MTOR: variants seen among roughly 807,000 people sequenced by gnomAD.
The protein encoded by MTOR is serine/threonine-protein kinase mTOR.
A neutral mutation model predicts 319.8 loss-of-function variants in MTOR; 70 were observed. The observed-to-expected ratio is 0.22, with a 90% CI of 0.18 to 0.27. The LOEUF is 0.27. MTOR is among the 10% of genes least tolerant of loss of function. The pLI, the probability that MTOR is intolerant of heterozygous loss-of-function variation, is 1.00. For synonymous variants in MTOR, 1,183 were observed against 1,211.4 expected (o/e 0.98, Z 0.49); for missense variants, 1,890 against 3,274.4 (o/e 0.58, Z 10.32).
intron 26 of MTOR, among the ~76,000 whole-genome samples, chr1:11,204,010 A>C (rs1646061316): frequency 6.6e-6 from 1 of 152,208 alleles, no homozygotes; most frequent in African/African-American, 2.4e-5. Context: ...AGAGGAACCA[A>C]GGCCCCCAGC....
intron 9 of MTOR, among the ~76,000 whole-genome samples, chr1:11,242,620 C>T (rs1471051966): frequency 2.0e-5 from 3 of 151,946 alleles, no homozygotes; most frequent in Non-Finnish European, 4.4e-5. Flanking sequence ...GAACACTGAC[C>T]CCCTCGCCTT....
At chr1:11,194,884 C>T in intron 28 of MTOR, 1 of 1,614,162 alleles carries the variant, frequency 6.2e-7, no homozygotes, top group Non-Finnish European at 8.5e-7. Context: ...TGCACAGACT[C>T]CAACCTCAAT....
intron 23 of MTOR, among the ~76,000 whole-genome samples, chr1:11,211,838 C>T (rs977073012): frequency 2.6e-5 from 4 of 152,198 alleles, no homozygotes; most frequent in Non-Finnish European, 2.9e-5. Flanking sequence ...TGAAGTCACA[C>T]TGCTTTCCTG....
chr1:11,227,645 G>A (rs774506402), intron 19 of MTOR, among the ~76,000 whole-genome samples: 1 of 149,448 alleles, frequency 6.7e-6, no homozygotes, highest in African/African-American at 2.5e-5. Context: ...GTGGTTTAAA[G>A]AAAGACACAA....
chr1:11,216,602 G>A (rs572437081), intron 19 of MTOR, among the ~76,000 whole-genome samples: 6 of 151,242 alleles, frequency 4.0e-5, no homozygotes, highest in Admixed American at 6.6e-5. Flanking sequence ...AGCTATGCAC[G>A]TGCCACTGCA....
At chr1:11,201,919 C>T (rs577117714) in intron 26 of MTOR, among the ~76,000 whole-genome samples, 229 of 152,224 alleles carry the variant, frequency 1.5e-3, no homozygotes, top group Middle Eastern at 6.8e-3. Context: ...GTAATCCCCC[C>T]GCCTTAGCCT....
At chr1:11,174,052 C>A (rs1644908125) in intron 28 of MTOR, among the ~76,000 whole-genome samples, 1 of 152,192 alleles carries the variant, frequency 6.6e-6, no homozygotes, top group African/African-American at 2.4e-5. Flanking sequence ...ATGAAGAAAA[C>A]ACAGCCCAGT....
chr1:11,114,389 T>C lies in MTOR; in HGVS notation c.7229A>G (p.His2410Arg), dbSNP rs2100315977. The change falls in exon 53 of 58, where the codon CAC becomes CGC. Residue 2410 changes from histidine to arginine, a missense_variant. This residue lies in a region of MTOR where 23 missense variants were observed against 81.7 expected (regional missense o/e 0.28). Transcript: ENST00000361445. ...CAGCACGGCCATGACACTGTCCTTGTGCTCTCGCAGCACCTCCATCACTGT... is the reference window on the plus strand; with the variant it reads ...CAGCACGGCCATGACACTGTCCTTGCGCTCTCGCAGCACCTCCATCACTGT... ...CHTVMEVLRE[H>R]KDSVMAVLEA... 1 of 1,614,200 alleles carries C rather than the reference T, an allele frequency of 6.2e-7. No individual in the cohort carries two copies. The highest frequency in any genetic ancestry group is 8.5e-7 in the Non-Finnish European group (1 of 1,180,040).
At chr1:11,162,512 A>C (rs565843833) in intron 29 of MTOR, among the ~76,000 whole-genome samples, 1 of 152,318 alleles carries the variant, frequency 6.6e-6, no homozygotes, top group Non-Finnish European at 1.5e-5. Flanking sequence ...ATGAAGGAAA[A>C]AATGTTAAGG....
At chr1:11,190,158 C>A (rs1021485275) in intron 28 of MTOR, among the ~76,000 whole-genome samples, 1 of 152,212 alleles carries the variant, frequency 6.6e-6, no homozygotes, top group Non-Finnish European at 1.5e-5. Context: ...TTTATCCACA[C>A]AGTGTTTCAG....
chr1:11,148,013 A>G (rs1643993857), intron 31 of MTOR, among the ~76,000 whole-genome samples: 2 of 152,330 alleles, frequency 1.3e-5, no homozygotes, highest in Middle Eastern at 6.8e-3. Context: ...TGAAGGGCAG[A>G]TGGGGGTTCA....
chr1:11,114,724 G>T, intron 52 of MTOR, 89 bp downstream of exon 52: 1 of 1,338,368 alleles, frequency 7.5e-7, no homozygotes, highest in Non-Finnish European at 1.1e-6. Flanking sequence ...GCACTTTGGA[G>T]AACTGATGGG....
At chr1:11,167,663 C>A in intron 28 of MTOR, 146 bp from the exon 29 acceptor site, 1 of 640,222 alleles carries the variant, frequency 1.6e-6, no homozygotes. Flanking sequence ...TATTACCATC[C>A]AGAAAGCTCA....
intron 15 of MTOR, 195 bp downstream of exon 15, chr1:11,233,203 A>T (rs1647079930): frequency 2.4e-6 from 2 of 825,546 alleles, no homozygotes; most frequent in Non-Finnish European, 2.0e-6. Flanking sequence ...TGTCACCACT[A>T]TCTGGAGAGT....
chr1:11,114,490 C>T (rs772301534), intron 52 of MTOR, 37 bp from the exon 53 acceptor site: 24 of 1,611,788 alleles, frequency 1.5e-5, no homozygotes, highest in Non-Finnish European at 2.0e-5. Flanking sequence ...ACAGGAGTTA[C>T]TAACTCTCCA....
Position 11,115,297 on chromosome 1 carries a change from A to T in MTOR, c.7089+99T>A. On this transcript the variant is annotated intron_variant, in intron 51 of 57. Transcript: ENST00000361445. This position sits in a 1 kb window ranked among gnomAD's most constrained non-coding sequence, Gnocchi z 4.5. ...CTTGGTAGGGCCAGCAGGGGTTAAG[A>T]GTAAGGCAGTTTGGGCTTAAGTCTG... The T allele has an allele frequency of 8.7e-7, 1 of 1,145,924 alleles. No homozygotes were observed. Among genetic ancestry groups the T allele is most frequent in the East Asian group, 2.3e-5 (1 of 42,594 alleles). 71.0% of individuals were successfully genotyped at this position (1,145,924 alleles called of 1,614,324 possible).
intron 28 of MTOR, chr1:11,195,529 T>G (rs549359514): frequency 3.9e-5 from 6 of 155,178 alleles, no homozygotes; most frequent in African/African-American, 1.4e-4. Flanking sequence ...TGAAATTATC[T>G]TGAGTCTACA....
Position 11,156,949 on chromosome 1 carries a change from G to C in MTOR, c.4469+203C>G, listed in dbSNP as rs17229200. Among the ~76,000 whole-genome samples the C allele has an allele frequency of 4.3e-4, 66 of 152,302 alleles. 2 individuals carry two copies. In the South Asian group the frequency reaches 7.1e-3, roughly 16 times the overall value. ...TGTCCTAGAGCATTATAAAGTTTAA[G>C]TGAAGGCCTTCCTACTTAGCAGCTG... is the stretch of plus-strand genomic sequence containing the variant. On this transcript the variant is annotated intron_variant, in intron 30 of 57. Transcript: ENST00000361445.
Position 11,151,325 on chromosome 1 carries a change from G to C in MTOR, c.4470-1099C>G, listed in dbSNP as rs181809629. ...AGAAAACCAGGGACACAAGCACTCTGGCTCAATACAGAGCTGAGACCAAAA... is the reference window on the plus strand; with the variant it reads ...AGAAAACCAGGGACACAAGCACTCTCGCTCAATACAGAGCTGAGACCAAAA... On this transcript the variant is annotated intron_variant, in intron 30 of 57. Coordinates refer to ENST00000361445, the MANE Select transcript of MTOR (RefSeq NM_004958.4). Among the ~76,000 whole-genome samples, 80 of 152,200 alleles carry C rather than the reference G, an allele frequency of 5.3e-4. 1 individual carries two copies. The East Asian group carries it at 7.5e-3, about 14-fold the overall frequency.
Sources: allele counts gnomAD v4.1 joint callset (sites outside exome capture counted in the v4.1 genomes callset), GRCh38; gene constraint gnomAD v4.1.1; regional missense constraint gnomAD v4.1.1; non-coding constraint Gnocchi (gnomAD v3.1); transcripts MANE v1.5; gene names NCBI Gene and HGNC (gene_info 2026-07-23, HGNC 2026-07-21).